Variants in ADAMTSL1 observed in about 807,000 individuals in gnomAD.
The protein encoded by ADAMTSL1 is ADAMTS-like protein 1.
A neutral mutation model predicts 201.8 loss-of-function variants in ADAMTSL1; 126 were observed. The ratio of observed to expected loss-of-function variants is 0.62; its 90% confidence interval spans 0.54 to 0.72. The LOEUF (loss-of-function observed/expected upper bound fraction) is 0.72. Among genes scored for constraint, ADAMTSL1 ranks in the 30% least tolerant of loss-of-function variants. The pLI is 0.00. For synonymous variants in ADAMTSL1, 1,121 were observed against 903.4 expected (o/e 1.24, Z -4.32); for missense variants, 2,679 against 2,277.8 (o/e 1.18, Z -3.59).
At chr9:18,215,913 G>A (rs1830039878) in intron 2 of ADAMTSL1, among the ~76,000 whole-genome samples, 1 of 152,088 alleles carries the variant, frequency 6.6e-6, no homozygotes, top group South Asian at 2.1e-4. Flanking sequence ...TTGGAATTTT[G>A]GGTTGTCTTC....
chr9:18,369,512 G>A (rs1005451086), intron 2 of ADAMTSL1, among the ~76,000 whole-genome samples: 8 of 152,130 alleles, frequency 5.3e-5, no homozygotes, highest in African/African-American at 1.9e-4. Context: ...AAAAGAGAAT[G>A]CTTATACACA....
chr9:18,283,756 C>CA (rs1832882503), intron 2 of ADAMTSL1, among the ~76,000 whole-genome samples: 1 of 147,298 alleles, frequency 6.8e-6, no homozygotes, highest in African/African-American at 2.5e-5. Context: ...ACTAAAAATA[C>CA]AAAAAATTAG....
chr9:18,583,053 C>G (rs1023348812), intron 4 of ADAMTSL1, among the ~76,000 whole-genome samples: 1 of 152,022 alleles, frequency 6.6e-6, no homozygotes, highest in Non-Finnish European at 1.5e-5. Flanking sequence ...GTAAATTGCT[C>G]GGTCTTGGGT....
At chr9:18,724,321 A>G (rs2133442014) in intron 15 of ADAMTSL1, among the ~76,000 whole-genome samples, 1 of 152,348 alleles carries the variant, frequency 6.6e-6, no homozygotes, top group Admixed American at 6.5e-5. Flanking sequence ...CAAAGGCCCT[A>G]GAGGGCAAGT....
At position 18,174,493 on chromosome 9, in the gene ADAMTSL1, C is replaced by G. The variant is rs1026643643; in HGVS notation, c.207+10512C>G. Among the ~76,000 whole-genome samples, 21 of 152,124 alleles carry G rather than the reference C, an allele frequency of 1.4e-4. 1 individual carries two copies. The highest frequency in any genetic ancestry group is 2.9e-5 in the Non-Finnish European group (2 of 68,022). On this transcript the variant is annotated intron_variant, in intron 2 of 29. Transcript: ENST00000680146. ...ATGATCAAAAGTCAGATATGTGATA[C>G]CTAAATTTAAGAAAGTATGAGAGGA...
chr9:18,786,297 C>CCCCAA (rs968233482), intron 19 of ADAMTSL1, among the ~76,000 whole-genome samples: 4 of 152,106 alleles, frequency 2.6e-5, no homozygotes, highest in African/African-American at 9.7e-5. Flanking sequence ...AGCTTATCCT[C>CCCCAA]CCCAACCCCT....
chr9:18,657,770 C>G lies in ADAMTSL1; in HGVS notation c.946+20C>G. The G allele has an allele frequency of 6.3e-7, 1 of 1,589,528 alleles. No individual in the cohort carries two copies. Among genetic ancestry groups the G allele is most frequent in the Non-Finnish European group, 8.6e-7 (1 of 1,157,618 alleles). ...GAGGAGGTAATGGTGTTCACTTAGT[C>G]TAAAAACTGTTGGCTTCTGTGAGGA... On this transcript the variant is annotated intron_variant, in intron 8 of 28. Transcript: ENST00000380548.
intron 3 of ADAMTSL1, among the ~76,000 whole-genome samples, chr9:18,543,855 C>T (rs191350737): frequency 1.2e-4 from 18 of 152,308 alleles, no homozygotes; most frequent in East Asian, 7.7e-4. Context: ...CTCCTCTCGG[C>T]CTTCTTCTGA....
intron 2 of ADAMTSL1, among the ~76,000 whole-genome samples, chr9:18,403,621 A>T (rs1818070279): frequency 6.6e-6 from 1 of 152,304 alleles, no homozygotes. Context: ...GTCATAGATA[A>T]ATAAATGAAT....
chr9:18,825,803 A>G (rs1418663825), intron 21 of ADAMTSL1, among the ~76,000 whole-genome samples: 1 of 151,886 alleles, frequency 6.6e-6, no homozygotes, highest in Admixed American at 6.6e-5. Context: ...AAAGGAAATT[A>G]TACAGTATGT....
At chr9:18,863,124 C>G (rs141194382) in intron 23 of ADAMTSL1, among the ~76,000 whole-genome samples, 1 of 152,318 alleles carries the variant, frequency 6.6e-6, no homozygotes, top group East Asian at 1.9e-4. Flanking sequence ...AGTACAGTCA[C>G]ATTTTCATAG....
intron 13 of ADAMTSL1, among the ~76,000 whole-genome samples, chr9:18,701,579 C>T (rs1300606031): frequency 2.0e-5 from 3 of 152,180 alleles, no homozygotes; most frequent in Admixed American, 2.0e-4. Flanking sequence ...TCTCACCCTA[C>T]TGTCATGCCA....
intron 2 of ADAMTSL1, among the ~76,000 whole-genome samples, chr9:18,321,726 G>C (rs1352811373): frequency 6.6e-6 from 1 of 151,866 alleles, no homozygotes; most frequent in Non-Finnish European, 1.5e-5. Flanking sequence ...CCGGGAGGCG[G>C]AGCTTGCAGT....
At chr9:18,628,239 A>G (rs1826522341) in intron 5 of ADAMTSL1, among the ~76,000 whole-genome samples, 1 of 152,066 alleles carries the variant, frequency 6.6e-6, no homozygotes, top group African/African-American at 2.4e-5. Context: ...TAGATCAGTG[A>G]CCTATTTTCA....
intron 1 of ADAMTSL1, among the ~76,000 whole-genome samples, chr9:18,146,938 G>A (rs1313276272): frequency 1.3e-5 from 2 of 151,992 alleles, no homozygotes; most frequent in African/African-American, 4.8e-5. Flanking sequence ...ATTTCTAAGT[G>A]GCTAACACCT....
At chr9:18,295,256 G>T (rs1485011625) in intron 2 of ADAMTSL1, among the ~76,000 whole-genome samples, 3 of 151,938 alleles carry the variant, frequency 2.0e-5, no homozygotes, top group African/African-American at 4.8e-5. Context: ...AGTGTACGAA[G>T]CAACAAATTG....
chr9:18,011,166 A>ATTATTAGT (rs1820036573), intron 1 of ADAMTSL1, among the ~76,000 whole-genome samples: 1 of 152,048 alleles, frequency 6.6e-6, no homozygotes, highest in Non-Finnish European at 1.5e-5. Flanking sequence ...CTAATTTTGG[A>ATTATTAGT]TCTTGAGACA....
chr9:18,054,373 A>G (rs1406518300), intron 1 of ADAMTSL1, among the ~76,000 whole-genome samples: 1 of 152,250 alleles, frequency 6.6e-6, no homozygotes, highest in Non-Finnish European at 1.5e-5. Flanking sequence ...ATTAAGTCCT[A>G]TGCCTAACAA....
chr9:18,024,215 T>G (rs1318408993), intron 1 of ADAMTSL1, among the ~76,000 whole-genome samples: 3 of 152,176 alleles, frequency 2.0e-5, no homozygotes, highest in Non-Finnish European at 4.4e-5. Flanking sequence ...GTAATTTTGT[T>G]TATATTAACA....
Sources: allele counts gnomAD v4.1 joint callset (sites outside exome capture counted in the v4.1 genomes callset), GRCh38; gene constraint gnomAD v4.1.1; transcripts MANE v1.5; gene names NCBI Gene and HGNC (gene_info 2026-07-23, HGNC 2026-07-21).